THOP1: variants seen among roughly 807,000 people sequenced by gnomAD.
The protein encoded by THOP1 is thimet oligopeptidase.
A neutral mutation model predicts 71.8 loss-of-function variants in THOP1; 49 were observed. The ratio of observed to expected loss-of-function variants is 0.68; its 90% CI spans 0.54 to 0.87. The LOEUF is 0.87. Among genes scored for constraint, THOP1 ranks in the 40% least tolerant of loss-of-function variants. The pLI, the probability that THOP1 is intolerant of heterozygous loss-of-function variation, is 0.00. For synonymous variants in THOP1, 426 were observed against 421.5 expected, an observed-to-expected ratio of 1.01 and a Z score of -0.13; for missense variants, 843 against 975.6, an observed-to-expected ratio of 0.86 and a Z score of 1.81.
chr19:2,807,156 A>G, intron 7 of THOP1, 104 bp downstream of exon 7: 1 of 1,384,304 alleles, frequency 7.2e-7, no homozygotes, highest in Non-Finnish European at 9.6e-7. Context: ...CTTTCCCTCC[A>G]TGAAGAGGGA....
chr19:2,795,496 G>C (rs1915992593), intron 3 of THOP1, among the ~76,000 whole-genome samples: 1 of 152,244 alleles, frequency 6.6e-6, no homozygotes, highest in African/African-American at 2.4e-5. Flanking sequence ...GGAATGTGCT[G>C]ATGTGTCCCA....
chr19:2,795,738 G>C (rs1213298904), intron 3 of THOP1, among the ~76,000 whole-genome samples: 3 of 152,182 alleles, frequency 2.0e-5, no homozygotes, highest in African/African-American at 7.2e-5. Context: ...GAATGCCTTT[G>C]CCAACTTTGC....
chr19:2,790,413 C>T lies in THOP1; in HGVS notation c.17-8C>T, dbSNP rs751897872. 12 of 1,520,868 alleles carry T rather than the reference C, an allele frequency of 7.9e-6. No individual in the cohort carries two copies. The African/African-American group carries it at 1.7e-4, about 21-fold the overall frequency. The allele number at this position is 1,520,868 out of a possible 1,614,324, so 94.2% of individuals were successfully genotyped here. On this transcript the variant is annotated splice_region_variant and splice_polypyrimidine_tract_variant and intron_variant, in intron 1 of 12. Coordinates refer to ENST00000307741, the MANE Select transcript of THOP1 (RefSeq NM_003249.5). ...ACCCGCCCGGCACTGGGTTTTGTTT[C>T]TGCGTAGCCTGTGCAGGAGACATGG... is the stretch of plus-strand genomic sequence containing the variant.
intron 2 of THOP1, among the ~76,000 whole-genome samples, chr19:2,793,642 A>G (rs1271007178): frequency 6.6e-6 from 1 of 152,140 alleles, no homozygotes; most frequent in Admixed American, 6.5e-5. Context: ...GTGAGCCGAG[A>G]CTGCACCACT....
At chr19:2,802,843 C>T (rs942726671) in intron 5 of THOP1, among the ~76,000 whole-genome samples, 1 of 152,246 alleles carries the variant, frequency 6.6e-6, no homozygotes, top group Non-Finnish European at 1.5e-5. Flanking sequence ...GTGCATGAGG[C>T]TTCTGTCTTA....
intron 7 of THOP1, 90 bp from the exon 8 acceptor site, chr19:2,807,352 G>GC (rs1916318917): frequency 6.8e-7 from 1 of 1,460,290 alleles, no homozygotes; most frequent in Non-Finnish European, 9.0e-7. Flanking sequence ...CAAATGGGGA[G>GC]CCTGACGAAG....
At chr19:2,810,512 A>T in intron 10 of THOP1, 22 bp downstream of exon 10, 1 of 1,542,952 alleles carries the variant, frequency 6.5e-7, no homozygotes, top group Non-Finnish European at 8.7e-7. Context: ...CCGTCCGGGG[A>T]AGGGTGCTAA....
At chr19:2,807,140 CT>C (rs1340739973) in intron 7 of THOP1, 88 bp downstream of exon 7, 1 of 1,446,624 alleles carries the variant, frequency 6.9e-7, no homozygotes, top group Non-Finnish European at 9.2e-7. Flanking sequence ...CCCCTAGAGC[CT>C]TGTCCTTTCC....
At chr19:2,792,429 T>C (rs1915905650) in intron 2 of THOP1, among the ~76,000 whole-genome samples, 1 of 152,026 alleles carries the variant, frequency 6.6e-6, no homozygotes, top group Non-Finnish European at 1.5e-5. Context: ...CCTCCAAAAG[T>C]GTGGGGATTA....
Position 2,807,788 on chromosome 19 carries a change from C to G in THOP1, c.1233C>G (p.Phe411Leu). 6.6e-7 allele frequency: 1 copy of G among 1,517,464 alleles called. No individual in the cohort carries two copies. Among genetic ancestry groups the G allele is most frequent in the Non-Finnish European group, 8.8e-7 (1 of 1,131,842 alleles). The allele number at this position is 1,517,464 out of a possible 1,614,324, so 94.0% of individuals were successfully genotyped here. Residue 411 changes from phenylalanine (F) to leucine (L), a missense_variant, in exon 8 of 13, where the codon TTC (phenylalanine) becomes TTG (leucine). By Grantham distance (22) the Phe-to-Leu change is conservative. Transcript: ENST00000307741. ...CCTCGGGGGAGGTGGTCGGCAAGTTCTACCTGGACCTGTACCCGCGGTGGG... is the reference window on the plus strand; with the variant it reads ...CCTCGGGGGAGGTGGTCGGCAAGTTGTACCTGGACCTGTACCCGCGGTGGG... Reference protein sequence around the residue: ...DAASGEVVGKFYLDLYPREGK... With the variant: ...DAASGEVVGKLYLDLYPREGK...
At chr19:2,789,203 G>C (rs1256910500) in intron 1 of THOP1, among the ~76,000 whole-genome samples, 9 of 152,232 alleles carry the variant, frequency 5.9e-5, no homozygotes, top group African/African-American at 2.2e-4. Flanking sequence ...AGAACTGTTT[G>C]CTGGTCCCCT....
rs373475310 is a variant in THOP1, at chr19:2,810,498, C to T, written c.1642+8C>T. 1.6e-5 allele frequency: 24 copies of T among 1,547,248 alleles called. No individual in the cohort carries two copies. The highest frequency in any genetic ancestry group is 3.6e-5 in the South Asian group (3 of 84,234). ...CCCGGCAGGCCAACACAGGTGCACCCGCCCCGTCCGGGGAAGGGTGCTAAC... is the reference window on the plus strand; with the variant it reads ...CCCGGCAGGCCAACACAGGTGCACCTGCCCCGTCCGGGGAAGGGTGCTAAC... On this transcript the variant is annotated splice_region_variant and intron_variant, in intron 10 of 12. Transcript: ENST00000307741.
intron 2 of THOP1, among the ~76,000 whole-genome samples, chr19:2,791,990 C>T (rs1363911105): frequency 6.6e-6 from 1 of 152,254 alleles, no homozygotes; most frequent in Non-Finnish European, 1.5e-5. Flanking sequence ...GCCCTGTGCT[C>T]TGCTGAATGC....
At position 2,807,477 on chromosome 19, in the gene THOP1, C is replaced by G. The variant is rs1916324503; in HGVS notation, c.922C>G (p.Gln308Glu). Residue 308 changes from glutamine to glutamate, a missense_variant, in exon 8 of 13, where the codon CAG becomes GAG. Transcript: ENST00000307741. ...LAQKLKPLGE[Q>E]ERAVILELKR... ...GCAGAAGCTGAAGCCCCTGGGGGAG[C>G]AGGAGCGTGCGGTGATTCTGGAGCT... is the stretch of plus-strand genomic sequence containing the variant. 1 of 1,607,292 alleles carries G rather than the reference C, an allele frequency of 6.2e-7. No homozygotes were observed. The highest frequency in any genetic ancestry group is 1.7e-5 in the Admixed American group (1 of 59,788).
intron 12 of THOP1, among the ~76,000 whole-genome samples, 175 bp from the exon 13 acceptor site, chr19:2,812,940 A>G (rs778680179): frequency 1.3e-5 from 2 of 151,912 alleles, no homozygotes; most frequent in Non-Finnish European, 2.9e-5. Context: ...TGAGATTCTG[A>G]TGAAAGGCAC....
intron 6 of THOP1, chr19:2,806,623 A>T: frequency 2.3e-6 from 1 of 439,160 alleles, no homozygotes. Context: ...AGGTGTCCCC[A>T]CATGCAGCAG....
chr19:2,800,030 C>G (rs764728819), intron 5 of THOP1, among the ~76,000 whole-genome samples: 1 of 152,216 alleles, frequency 6.6e-6, no homozygotes, highest in Non-Finnish European at 1.5e-5. Context: ...TCTGTCCCAC[C>G]AAGATTCCAC....
chr19:2,791,918 T>C (rs1380247931), intron 2 of THOP1, among the ~76,000 whole-genome samples: 1 of 152,166 alleles, frequency 6.6e-6, no homozygotes, highest in Non-Finnish European at 1.5e-5. Flanking sequence ...GGACACCCAG[T>C]CTCCTCGTGC....
intron 6 of THOP1, chr19:2,806,690 A>G (rs1568324478): frequency 3.2e-6 from 2 of 634,886 alleles, no homozygotes; most frequent in Non-Finnish European, 5.1e-6. Flanking sequence ...GTTCCGTGTG[A>G]GGCCTTAGAG....
Sources: gnomAD v4.1 joint callset for allele counts (sites outside exome capture counted in the v4.1 genomes callset) on GRCh38, gnomAD v4.1.1 for gene constraint, MANE v1.5 for transcripts, NCBI Gene and HGNC (gene_info 2026-07-23, HGNC 2026-07-21) for gene names.